The following AOAH variants were observed in gnomAD, a reference collection of about 807,000 sequenced individuals.
AOAH encodes the protein acyloxyacyl hydrolase (neutrophil).
In AOAH, 64 loss-of-function variants were observed where a neutral mutation model predicts 92.2. The observed-to-expected ratio is 0.69, with a 90% confidence interval of 0.57 to 0.86. The LOEUF (loss-of-function observed/expected upper bound fraction) is 0.86. Ranked by LOEUF, AOAH falls within the 40% of genes least tolerant of loss-of-function variation. AOAH has a pLI of 0.00. For missense variants in AOAH, 656 were observed against 694.6 expected (o/e 0.94, Z 0.62); for synonymous variants, 263 against 254.5 (o/e 1.03, Z -0.32).
chr7:36,590,718 G>A (rs543676699), intron 12 of AOAH, among the ~76,000 whole-genome samples: 30 of 152,284 alleles, frequency 2.0e-4, no homozygotes, highest in African/African-American at 4.3e-4. Flanking sequence ...AGAGAAATCC[G>A]CCAATTCTGT....
At chr7:36,637,561 T>C (rs1562646428) in intron 5 of AOAH, among the ~76,000 whole-genome samples, 1 of 151,760 alleles carries the variant, frequency 6.6e-6, no homozygotes, top group Non-Finnish European at 1.5e-5. Flanking sequence ...ATCTAGTAGG[T>C]AGAAGCCAGG....
intron 1 of AOAH, among the ~76,000 whole-genome samples, chr7:36,710,854 A>G (rs1798723941): frequency 6.6e-6 from 1 of 151,976 alleles, no homozygotes; most frequent in Non-Finnish European, 1.5e-5. Flanking sequence ...TTTCCAAAAG[A>G]ATAGATAATC....
intron 15 of AOAH, among the ~76,000 whole-genome samples, chr7:36,547,446 C>T (rs780891731): frequency 3.9e-5 from 6 of 152,224 alleles, no homozygotes; most frequent in Non-Finnish European, 7.3e-5. Context: ...GTTTTCAGCA[C>T]AGGCTTGGAA....
intron 13 of AOAH, among the ~76,000 whole-genome samples, chr7:36,553,116 C>G (rs1451743122): frequency 9.1e-6 from 1 of 110,192 alleles, no homozygotes; most frequent in Non-Finnish European, 1.8e-5. Flanking sequence ...CTATCCCTCC[C>G]CCCTCCCCCC....
At position 36,532,133 on chromosome 7, in the gene AOAH, T is replaced by C. The variant is rs1562539914; in HGVS notation, c.1425+14A>G. 5.0e-6 allele frequency: 8 copies of C among 1,614,042 alleles called. No homozygotes were observed. Among genetic ancestry groups the C allele is most frequent in the Non-Finnish European group, 5.9e-6 (7 of 1,179,872 alleles). On this transcript the variant is annotated intron_variant, in intron 18 of 20. Coordinates refer to ENST00000617537, the MANE Select transcript of AOAH (RefSeq NM_001637.4). ...TGATCAAAGATGGTATCAAAAGGCC[T>C]GTGACAGTCATACCTCTGAAGTGAG... is the stretch of plus-strand genomic sequence containing the variant.
At chr7:36,604,038 G>A (rs534949734) in intron 11 of AOAH, among the ~76,000 whole-genome samples, 2 of 152,310 alleles carry the variant, frequency 1.3e-5, no homozygotes, top group South Asian at 2.1e-4. Flanking sequence ...ATTTGGGTCT[G>A]GTGAAGGCCT....
intron 4 of AOAH, among the ~76,000 whole-genome samples, chr7:36,643,003 A>G (rs1316467012): frequency 6.6e-6 from 1 of 152,244 alleles, no homozygotes; most frequent in African/African-American, 2.4e-5. Context: ...TGTACTTAAA[A>G]TAGTGTCTTG....
At chr7:36,517,222 T>TTC in intron 20 of AOAH, among the ~76,000 whole-genome samples, 1 of 67,350 alleles carries the variant, frequency 1.5e-5, no homozygotes, top group African/African-American at 3.9e-5. Flanking sequence ...TTCTCTTTCT[T>TTC]TCTGTCTCTC....
intron 12 of AOAH, among the ~76,000 whole-genome samples, chr7:36,584,380 G>A (rs576861984): frequency 2.0e-5 from 3 of 152,154 alleles, no homozygotes; most frequent in African/African-American, 2.4e-5. Flanking sequence ...TGGTTACAAC[G>A]ATTCTACTAG....
intron 4 of AOAH, among the ~76,000 whole-genome samples, chr7:36,654,349 C>G (rs1211804192): frequency 6.6e-6 from 1 of 152,088 alleles, no homozygotes; most frequent in East Asian, 1.9e-4. Flanking sequence ...AGTGGGACAT[C>G]GTAGATTTTT....
At chr7:36,665,495 GT>G (rs1795475188) in intron 3 of AOAH, among the ~76,000 whole-genome samples, 1 of 151,416 alleles carries the variant, frequency 6.6e-6, no homozygotes, top group Non-Finnish European at 1.5e-5. Flanking sequence ...TGAGAACAAA[GT>G]TAGTTTTATT....
intron 2 of AOAH, among the ~76,000 whole-genome samples, chr7:36,679,960 C>T (rs1468280779): frequency 6.6e-6 from 1 of 152,078 alleles, no homozygotes; most frequent in African/African-American, 2.4e-5. Context: ...ACCGGCCAAC[C>T]ACACAATTTT....
At chr7:36,607,205 CT>C (rs1791067844) in intron 11 of AOAH, among the ~76,000 whole-genome samples, 2 of 152,166 alleles carry the variant, frequency 1.3e-5, no homozygotes, top group Non-Finnish European at 2.9e-5. Context: ...GATGTGTTTT[CT>C]GCCTTATAGG....
At position 36,632,020 on chromosome 7, in the gene AOAH, G is replaced by C; in HGVS notation, c.521+16C>G. On this transcript the variant is annotated intron_variant, in intron 6 of 20. Transcript: ENST00000617537. ...TTACATGCTAGTGCTCAGGAAGGTA[G>C]AAATTGTATACATACAATTTAATTT... is the stretch of plus-strand genomic sequence containing the variant. 1 of 1,594,326 alleles carries C rather than the reference G, an allele frequency of 6.3e-7. No homozygotes were observed. The highest frequency in any genetic ancestry group is 1.1e-5 in the South Asian group (1 of 88,538).
Position 36,619,992 on chromosome 7 carries a change from T to C in AOAH, c.702+789A>G, listed in dbSNP as rs150147588. Among the ~76,000 whole-genome samples, 231 of 152,110 alleles carry C rather than the reference T, an allele frequency of 1.5e-3. 1 individual carries two copies. Among genetic ancestry groups the C allele is most frequent in the African/African-American group, 5.4e-3 (226 of 41,496 alleles). On this transcript the variant is annotated intron_variant, in intron 9 of 20. Transcript: ENST00000617537. The stretch of plus-strand genomic sequence containing the variant: ...GAGTACTGGGAGTGACTGGGAGCAA[T>C]AGAGTATTCTAGGTGGAGAGGGGAG...
intron 1 of AOAH, among the ~76,000 whole-genome samples, chr7:36,708,438 A>C (rs2116942542): frequency 6.6e-6 from 1 of 152,186 alleles, no homozygotes; most frequent in Non-Finnish European, 1.5e-5. Flanking sequence ...CTATTTGCTG[A>C]ACATTGAACA....
chr7:36,637,565 A>G (rs10224223), intron 5 of AOAH, among the ~76,000 whole-genome samples: 29,734 of 151,780 alleles, frequency 0.2, 3,310 homozygotes, highest in African/African-American at 0.3. Context: ...AGTAGGTAGA[A>G]GCCAGGGTTG....
chr7:36,704,136 C>T (rs756408904), intron 1 of AOAH, among the ~76,000 whole-genome samples: 6 of 152,038 alleles, frequency 3.9e-5, no homozygotes, highest in South Asian at 2.1e-4. Flanking sequence ...GTTTGTTGGC[C>T]GCATAAATGT....
chr7:36,643,760 GC>G (rs368819285), intron 4 of AOAH, among the ~76,000 whole-genome samples: 42 of 152,240 alleles, frequency 2.8e-4, no homozygotes, highest in East Asian at 2.1e-3. Context: ...TTTCCCCCTT[GC>G]CCTTCTCATG....
Sources: allele counts gnomAD v4.1 joint callset (sites outside exome capture counted in the v4.1 genomes callset), GRCh38; gene constraint gnomAD v4.1.1; transcripts MANE v1.5; gene names NCBI Gene and HGNC (gene_info 2026-07-23, HGNC 2026-07-21).